The following MDGA2 variants were observed in gnomAD, a reference collection of about 807,000 sequenced individuals.
MDGA2 encodes MAM domain-containing glycosylphosphatidylinositol anchor protein 2.
Under a neutral mutation model 117.8 loss-of-function variants are expected in MDGA2, and 40 were observed. That is an observed-to-expected ratio of 0.34 (90% CI 0.26 to 0.44). The LOEUF is 0.44. MDGA2 is among the 20% of genes least tolerant of loss of function. The pLI is 1.00. For synonymous variants in MDGA2, 452 were observed against 439.0 expected (o/e 1.03, Z -0.37); for missense variants, 1,123 against 1,250.6 (o/e 0.90, Z 1.54).
At chr14:47,335,801 G>A (rs2139928711) in intron 1 of MDGA2, among the ~76,000 whole-genome samples, 1 of 133,140 alleles carries the variant, frequency 7.5e-6, no homozygotes, top group Admixed American at 7.8e-5. Flanking sequence ...ACACTAAAGA[G>A]AGACAAAATT....
At chr14:47,062,380 G>T (rs938213814) in intron 6 of MDGA2, among the ~76,000 whole-genome samples, 1 of 151,958 alleles carries the variant, frequency 6.6e-6, no homozygotes, top group African/African-American at 2.4e-5. Context: ...CCAAAAGGCT[G>T]CCAAGGGAGC....
intron 8 of MDGA2, among the ~76,000 whole-genome samples, chr14:46,965,859 A>G (rs1245381835): frequency 6.6e-6 from 1 of 152,200 alleles, no homozygotes; most frequent in Non-Finnish European, 1.5e-5. Flanking sequence ...AGTATTCAAC[A>G]TGAAGGAAAT....
chr14:47,603,067 C>A (rs1896676640), intron 1 of MDGA2, among the ~76,000 whole-genome samples: 1 of 152,086 alleles, frequency 6.6e-6, no homozygotes, highest in South Asian at 2.1e-4. Context: ...GTTCATCTAG[C>A]CAATTTAGGG....
intron 1 of MDGA2, among the ~76,000 whole-genome samples, chr14:47,369,787 T>C (rs892762729): frequency 6.6e-6 from 1 of 152,170 alleles, no homozygotes; most frequent in African/African-American, 2.4e-5. Flanking sequence ...AAGTTGAATA[T>C]TTTTCATCAT....
At chr14:47,588,163 G>A (rs755434948) in intron 1 of MDGA2, among the ~76,000 whole-genome samples, 2 of 148,742 alleles carry the variant, frequency 1.3e-5, no homozygotes, top group Non-Finnish European at 3.0e-5. Context: ...GAAGTATTAT[G>A]AATAATGCTG....
chr14:47,229,978 AT>A (rs1344586680), intron 2 of MDGA2, among the ~76,000 whole-genome samples: 7 of 151,864 alleles, frequency 4.6e-5, no homozygotes, highest in Admixed American at 1.3e-4. Flanking sequence ...CAAATGGAAG[AT>A]TTTTTTTAAG....
chr14:46,946,597 C>T (rs1310910430), intron 9 of MDGA2, among the ~76,000 whole-genome samples: 2 of 152,034 alleles, frequency 1.3e-5, no homozygotes, highest in African/African-American at 2.4e-5. Context: ...TCCTATGGAA[C>T]ATACATTATG....
intron 8 of MDGA2, among the ~76,000 whole-genome samples, chr14:46,958,360 C>A (rs535846433): frequency 6.6e-6 from 1 of 152,060 alleles, no homozygotes; most frequent in South Asian, 2.1e-4. Flanking sequence ...AGACCATAAG[C>A]GCTTGGGGGG....
At chr14:47,533,055 C>T (rs1895132792) in intron 1 of MDGA2, among the ~76,000 whole-genome samples, 1 of 152,188 alleles carries the variant, frequency 6.6e-6, no homozygotes, top group South Asian at 2.1e-4. Context: ...TCCACTTAAT[C>T]CTGGGATTAT....
At chr14:47,595,654 T>C (rs1896529572) in intron 1 of MDGA2, among the ~76,000 whole-genome samples, 1 of 151,552 alleles carries the variant, frequency 6.6e-6, no homozygotes, top group African/African-American at 2.4e-5. Flanking sequence ...GACAGCATAA[T>C]GAAGTGAGAG....
At chr14:47,330,637 T>A (rs1486812309) in intron 1 of MDGA2, among the ~76,000 whole-genome samples, 1 of 151,826 alleles carries the variant, frequency 6.6e-6, no homozygotes, top group Admixed American at 6.6e-5. Flanking sequence ...ATTTCAATCA[T>A]GACAGGTAGC....
chr14:47,150,497 C>T (rs1434338691), intron 3 of MDGA2, among the ~76,000 whole-genome samples: 1 of 152,088 alleles, frequency 6.6e-6, no homozygotes, highest in East Asian at 1.9e-4. Flanking sequence ...ATTCCATTGT[C>T]CTTATAATTA....
At chr14:47,039,770 A>C (rs1208311087) in intron 7 of MDGA2, among the ~76,000 whole-genome samples, 1 of 152,200 alleles carries the variant, frequency 6.6e-6, no homozygotes, top group Non-Finnish European at 1.5e-5. Flanking sequence ...ATTTATATTA[A>C]GTGGGAAAAG....
chr14:47,098,261 G>GA (rs71112482), intron 5 of MDGA2, among the ~76,000 whole-genome samples: 6,960 of 89,170 alleles, frequency 0.078, 617 homozygotes, highest in East Asian at 0.51. Flanking sequence ...TGCCGTGTTT[G>GA]AAAAAAAAAA....
intron 7 of MDGA2, chr14:47,058,574 A>G: frequency 1.7e-5 from 17 of 984,982 alleles, no homozygotes; most frequent in Non-Finnish European, 2.0e-5. Context: ...ATATCCTAGA[A>G]TACACCTATT....
intron 1 of MDGA2, among the ~76,000 whole-genome samples, chr14:47,548,910 A>C (rs903252528): frequency 6.6e-6 from 1 of 152,146 alleles, no homozygotes; most frequent in Non-Finnish European, 1.5e-5. Context: ...AGACAGCAAC[A>C]ATGTTCACAA....
At chr14:47,626,609 G>C (rs2138940052) in intron 1 of MDGA2, 1 of 152,484 alleles carries the variant, frequency 6.6e-6, no homozygotes, top group East Asian at 1.9e-4. Flanking sequence ...GGGCCAGCGC[G>C]AGTTCCGGGT....
intron 1 of MDGA2, among the ~76,000 whole-genome samples, chr14:47,378,427 GGCA>G (rs1891530797): frequency 6.6e-6 from 1 of 152,128 alleles, no homozygotes; most frequent in Non-Finnish European, 1.5e-5. Flanking sequence ...CCGAGCTAAA[GGCA>G]GATGTTTGAA....
intron 2 of MDGA2, among the ~76,000 whole-genome samples, chr14:47,281,914 G>A (rs767596508): frequency 6.6e-6 from 1 of 151,924 alleles, no homozygotes; most frequent in East Asian, 2.0e-4. Flanking sequence ...AAAATTAGTC[G>A]GGTGTGGCGG....
Sources: allele counts gnomAD v4.1 joint callset (sites outside exome capture counted in the v4.1 genomes callset), GRCh38; gene constraint gnomAD v4.1.1; transcripts MANE v1.5; gene names NCBI Gene and HGNC (gene_info 2026-07-23, HGNC 2026-07-21).